Variants in SUPT3H observed in about 807,000 individuals in gnomAD.
SUPT3H encodes SPT3 homolog, SAGA and STAGA complex component.
In SUPT3H, 44 loss-of-function variants were observed where a neutral mutation model predicts 44.3. The observed-to-expected ratio is 0.99, with a 90% CI of 0.78 to 1.28. SUPT3H has a LOEUF of 1.28. Ranked by LOEUF, SUPT3H falls within the 50% of genes most tolerant of loss-of-function variation. The probability of loss-of-function intolerance (pLI) is 0.00; values close to 1 mark genes in which losing one functional copy is unlikely to be tolerated. For synonymous variants in SUPT3H, 124 were observed against 125.6 expected (o/e 0.99, Z 0.09); for missense variants, 380 against 387.1 (o/e 0.98, Z 0.15).
At position 45,225,049 on chromosome 6, in the gene SUPT3H, T is replaced by G. The variant is rs184638639; in HGVS notation, c.102-119043A>C. 1.7e-3 allele frequency among the ~76,000 whole-genome samples: 254 copies of G among 151,886 alleles called. 2 individuals are homozygous for G. The highest frequency in any genetic ancestry group is 6.8e-3 in the Middle Eastern group (2 of 294). On this transcript the variant is annotated intron_variant, in intron 2 of 10. Transcript: ENST00000371459. The stretch of plus-strand genomic sequence containing the variant: ...ATCCCAGTACTTTAGGAGGCCAAGG[T>G]GGGTGGATCACCTGAGGACAGGAGT...
intron 2 of SUPT3H, among the ~76,000 whole-genome samples, chr6:45,194,473 C>G (rs1815680316): frequency 6.6e-6 from 1 of 152,080 alleles, no homozygotes; most frequent in Admixed American, 6.6e-5. Flanking sequence ...TATTCAAGTG[C>G]TTGTTGTATT....
At chr6:45,202,718 C>CA (rs1220109706) in intron 2 of SUPT3H, among the ~76,000 whole-genome samples, 1 of 151,792 alleles carries the variant, frequency 6.6e-6, no homozygotes, top group South Asian at 2.1e-4. Flanking sequence ...CTAGAACGGA[C>CA]AAAAAATGTT....
chr6:45,302,759 T>G (rs1300206653), intron 2 of SUPT3H, among the ~76,000 whole-genome samples: 1 of 152,068 alleles, frequency 6.6e-6, no homozygotes, highest in African/African-American at 2.4e-5. Context: ...TTAAGGAATC[T>G]CCACACTGTT....
rs1008896074 is a variant in SUPT3H, at chr6:45,018,130, T to A, written c.273+2416A>T. Among the ~76,000 whole-genome samples the A allele has an allele frequency of 2.0e-5, 3 of 152,022 alleles. No homozygotes were observed. The East Asian group carries it at 5.8e-4, about 30-fold the overall frequency. On this transcript the variant is annotated intron_variant, in intron 4 of 10. Coordinates refer to ENST00000371459, the MANE Select transcript of SUPT3H (RefSeq NM_003599.4). ...GCAATTGTGAATGGGAGTTCACTCA[T>A]GAGTTGGCTCTCTGTTTGTCTGTTA...
chr6:44,922,937 A>C (rs907198097), intron 10 of SUPT3H, among the ~76,000 whole-genome samples: 1 of 152,096 alleles, frequency 6.6e-6, no homozygotes, highest in African/African-American at 2.4e-5. Flanking sequence ...ATTTTTTTAA[A>C]GCCATATTTT....
intron 2 of SUPT3H, among the ~76,000 whole-genome samples, chr6:45,314,998 A>T (rs1784480320): frequency 6.6e-6 from 1 of 152,126 alleles, no homozygotes. Flanking sequence ...CTTATAGCCA[A>T]CTGATCTTTG....
chr6:45,135,263 T>A (rs1187701345), intron 2 of SUPT3H, among the ~76,000 whole-genome samples: 1 of 152,146 alleles, frequency 6.6e-6, no homozygotes, highest in Non-Finnish European at 1.5e-5. Flanking sequence ...CCCATTGTTT[T>A]AACGAATAGT....
intron 2 of SUPT3H, among the ~76,000 whole-genome samples, chr6:45,120,793 A>C (rs188125279): frequency 1.3e-5 from 2 of 152,294 alleles, no homozygotes; most frequent in Non-Finnish European, 2.9e-5. Flanking sequence ...TTAAAGCTAC[A>C]AACCTGGGGA....
intron 3 of SUPT3H, among the ~76,000 whole-genome samples, chr6:45,048,981 T>C (rs1351969604): frequency 2.0e-5 from 3 of 152,262 alleles, no homozygotes; most frequent in East Asian, 1.9e-4. Context: ...TACAGCATAG[T>C]GACTATAGTT....
At chr6:44,859,213 T>C (rs1418389842) in intron 10 of SUPT3H, among the ~76,000 whole-genome samples, 1 of 152,220 alleles carries the variant, frequency 6.6e-6, no homozygotes, top group Non-Finnish European at 1.5e-5. Context: ...ACTGTGTCTC[T>C]TAGTGAAAGG....
intron 6 of SUPT3H, among the ~76,000 whole-genome samples, chr6:44,998,262 C>T (rs920962466): frequency 6.6e-6 from 1 of 151,718 alleles, no homozygotes; most frequent in Non-Finnish European, 1.5e-5. Context: ...GACTTCTGAG[C>T]ATACAACTGT....
At chr6:45,180,972 G>C (rs1813048151) in intron 2 of SUPT3H, among the ~76,000 whole-genome samples, 1 of 150,704 alleles carries the variant, frequency 6.6e-6, no homozygotes, top group Non-Finnish European at 1.5e-5. Flanking sequence ...CTACTCATCT[G>C]ACAAAGGGCT....
chr6:45,249,059 C>A (rs574139439), intron 2 of SUPT3H, among the ~76,000 whole-genome samples: 7 of 152,166 alleles, frequency 4.6e-5, no homozygotes, highest in Non-Finnish European at 1.0e-4. Flanking sequence ...GAATTTACCA[C>A]TTAGAAACCA....
intron 3 of SUPT3H, among the ~76,000 whole-genome samples, chr6:45,045,460 TG>T (rs1789239310): frequency 6.6e-6 from 1 of 152,196 alleles, no homozygotes; most frequent in Admixed American, 6.5e-5. Context: ...TATCTATTGT[TG>T]GTGTATAGGA....
chr6:45,198,733 T>TTTTAATTCTACATACACAG (rs67670387), intron 2 of SUPT3H, among the ~76,000 whole-genome samples: 6 of 150,980 alleles, frequency 4.0e-5, no homozygotes, highest in African/African-American at 1.2e-4. Flanking sequence ...TGCTATATCT[T>TTTTAATTCTACATACACAG]TCCTTGAGTT....
At chr6:44,937,973 A>C (rs1207449355) in intron 9 of SUPT3H, among the ~76,000 whole-genome samples, 2 of 126,606 alleles carry the variant, frequency 1.6e-5, no homozygotes, top group African/African-American at 6.2e-5. Context: ...GCAGTGGTGT[A>C]ATCTCAGCTT....
intron 5 of SUPT3H, among the ~76,000 whole-genome samples, chr6:45,012,851 T>C: frequency 6.6e-6 from 1 of 152,168 alleles, no homozygotes; most frequent in South Asian, 2.1e-4. Context: ...GCTGAACTAG[T>C]ACAATGAAGT....
chr6:45,116,157 G>A (rs1018650977), intron 2 of SUPT3H, among the ~76,000 whole-genome samples: 2 of 152,060 alleles, frequency 1.3e-5, no homozygotes, highest in African/African-American at 2.4e-5. Context: ...TGACAGGCTC[G>A]TTATTTTTCA....
At chr6:45,176,165 G>C (rs1439748265) in intron 2 of SUPT3H, among the ~76,000 whole-genome samples, 2 of 151,672 alleles carry the variant, frequency 1.3e-5, no homozygotes, top group African/African-American at 4.8e-5. Flanking sequence ...CTGAGGTACT[G>C]GGTTCATCTC....
Sources: allele counts gnomAD v4.1 joint callset (sites outside exome capture counted in the v4.1 genomes callset), GRCh38; gene constraint gnomAD v4.1.1; transcripts MANE v1.5; gene names NCBI Gene and HGNC (gene_info 2026-07-23, HGNC 2026-07-21).